The following PRKN variants were observed in gnomAD, a reference collection of about 807,000 sequenced individuals.
The protein encoded by PRKN is E3 ubiquitin-protein ligase parkin.
Under a neutral mutation model 59.5 loss-of-function variants are expected in PRKN, and 56 were observed. That is an observed-to-expected ratio of 0.94 (90% CI 0.76 to 1.18). PRKN has a LOEUF of 1.18. Ranked by LOEUF, PRKN falls within the 50% of genes most tolerant of loss-of-function variation. The pLI, the probability that PRKN is intolerant of heterozygous loss-of-function variation, is 0.00. For missense variants in PRKN, 657 were observed against 596.4 expected, an observed-to-expected ratio of 1.10 and a Z score of -1.06; for synonymous variants, 250 against 222.1, an observed-to-expected ratio of 1.13 and a Z score of -1.12.
At chr6:161,899,445 C>A (rs946721951) in intron 6 of PRKN, among the ~76,000 whole-genome samples, 1 of 152,134 alleles carries the variant, frequency 6.6e-6, no homozygotes, top group Admixed American at 6.5e-5. Flanking sequence ...TAATATTTTG[C>A]AATTTTATCA....
At chr6:162,027,349 T>C (rs950752307) in intron 5 of PRKN, among the ~76,000 whole-genome samples, 2 of 152,156 alleles carry the variant, frequency 1.3e-5, no homozygotes, top group Non-Finnish European at 2.9e-5. Flanking sequence ...TAAGTTGATG[T>C]TTTGCACCAT....
chr6:162,317,753 C>T (rs1002730563), intron 2 of PRKN, among the ~76,000 whole-genome samples: 4 of 151,928 alleles, frequency 2.6e-5, no homozygotes, highest in Admixed American at 2.6e-4. Flanking sequence ...AAAGGATGGT[C>T]GAGATACATC....
intron 5 of PRKN, among the ~76,000 whole-genome samples, chr6:162,048,075 TAAG>T (rs1012665210): frequency 1.3e-5 from 2 of 151,916 alleles, no homozygotes; most frequent in African/African-American, 4.8e-5. Flanking sequence ...CTTGTTCTGA[TAAG>T]AAAAAAAATG....
At chr6:161,365,618 A>G (rs1263721989) in intron 10 of PRKN, among the ~76,000 whole-genome samples, 1 of 152,200 alleles carries the variant, frequency 6.6e-6, no homozygotes, top group African/African-American at 2.4e-5. Flanking sequence ...ACAGCAAAAG[A>G]AGAGAAATAA....
chr6:161,808,655 T>C (rs1043800469), intron 6 of PRKN, among the ~76,000 whole-genome samples: 5 of 152,110 alleles, frequency 3.3e-5, no homozygotes, highest in Non-Finnish European at 4.4e-5. Context: ...GCATTTTTAA[T>C]TGTATTGAGA....
At chr6:161,909,760 T>C (rs1283034732) in intron 6 of PRKN, among the ~76,000 whole-genome samples, 3 of 152,200 alleles carry the variant, frequency 2.0e-5, no homozygotes, top group African/African-American at 7.2e-5. Context: ...TTTCCACAAA[T>C]AGTCTATAAG....
chr6:161,519,871 GAA>G (rs1778755543), intron 9 of PRKN, among the ~76,000 whole-genome samples: 1 of 152,180 alleles, frequency 6.6e-6, no homozygotes, highest in Non-Finnish European at 1.5e-5. Context: ...AGGACCAGAA[GAA>G]GAACACATTG....
At chr6:162,302,140 G>A (rs776166348) in intron 2 of PRKN, among the ~76,000 whole-genome samples, 81 of 152,136 alleles carry the variant, frequency 5.3e-4, no homozygotes, top group South Asian at 1.0e-3. Flanking sequence ...AAATGTGTTT[G>A]CATTTAGTCA....
chr6:161,441,098 T>C (rs1789195398), intron 9 of PRKN, among the ~76,000 whole-genome samples: 1 of 152,068 alleles, frequency 6.6e-6, no homozygotes, highest in Admixed American at 6.6e-5. Context: ...GTTAGTCAAA[T>C]AAAGTCAGAA....
chr6:162,705,235 T>C (rs1778297383), intron 1 of PRKN, among the ~76,000 whole-genome samples: 1 of 152,166 alleles, frequency 6.6e-6, no homozygotes, highest in South Asian at 2.1e-4. Flanking sequence ...TCTCCCCTCC[T>C]CACCCCTTAA....
At chr6:161,929,706 G>A (rs1408225377) in intron 6 of PRKN, among the ~76,000 whole-genome samples, 4 of 151,598 alleles carry the variant, frequency 2.6e-5, no homozygotes, top group Non-Finnish European at 5.9e-5. Context: ...TAGTAGAAAC[G>A]GGGTTTTGCC....
intron 1 of PRKN, among the ~76,000 whole-genome samples, chr6:162,468,732 T>C (rs952777179): frequency 3.5e-4 from 53 of 152,322 alleles, no homozygotes; most frequent in African/African-American, 1.3e-3. Context: ...GCTAGAGTAA[T>C]AAAATAATTA....
intron 1 of PRKN, among the ~76,000 whole-genome samples, chr6:162,473,794 A>G (rs1488262314): frequency 6.6e-6 from 1 of 152,132 alleles, no homozygotes. Context: ...CCATAAACTG[A>G]TGGCAAGTGT....
chr6:162,350,292 T>A (rs922999644), intron 2 of PRKN, among the ~76,000 whole-genome samples: 11 of 152,302 alleles, frequency 7.2e-5, no homozygotes, highest in African/African-American at 2.4e-4. Flanking sequence ...ATCTATAGAT[T>A]CATTGCAATC....
chr6:162,034,521 T>A (rs574968531), intron 5 of PRKN, among the ~76,000 whole-genome samples: 1 of 152,128 alleles, frequency 6.6e-6, no homozygotes, highest in Non-Finnish European at 1.5e-5. Flanking sequence ...TGTTTTTGCA[T>A]AAAGTTTCAC....
intron 7 of PRKN, among the ~76,000 whole-genome samples, chr6:161,633,220 A>T (rs1266828620): frequency 6.6e-6 from 1 of 152,196 alleles, no homozygotes; most frequent in Non-Finnish European, 1.5e-5. Context: ...GAGATAATTT[A>T]GTTGGTTTTC....
At chr6:161,638,738 A>T (rs1402968630) in intron 7 of PRKN, among the ~76,000 whole-genome samples, 45 of 100,176 alleles carry the variant, frequency 4.5e-4, no homozygotes, top group African/African-American at 9.4e-4. Flanking sequence ...ACGAGATCTG[A>T]TTTTTTTTTT....
chr6:162,197,984 T>C (rs575705722), intron 4 of PRKN, among the ~76,000 whole-genome samples: 1 of 152,162 alleles, frequency 6.6e-6, no homozygotes, highest in East Asian at 1.9e-4. Context: ...TCTTCGAACA[T>C]AGACAAGTAA....
chr6:161,832,953 C>T (rs1306281562), intron 6 of PRKN, among the ~76,000 whole-genome samples: 3 of 151,970 alleles, frequency 2.0e-5, no homozygotes, highest in Admixed American at 1.3e-4. Flanking sequence ...AGTGAGTGTC[C>T]CCCCATCCCC....
Sources: gnomAD v4.1 joint callset for allele counts (sites outside exome capture counted in the v4.1 genomes callset) on GRCh38, gnomAD v4.1.1 for gene constraint, MANE v1.5 for transcripts, NCBI Gene and HGNC (gene_info 2026-07-23, HGNC 2026-07-21) for gene names.